The following SCMH1 variants were observed in gnomAD, a reference collection of about 807,000 sequenced individuals.
SCMH1 encodes Scm polycomb group protein homolog 1.
Under a neutral mutation model 70.8 loss-of-function variants are expected in SCMH1, and 37 were observed. The observed-to-expected ratio is 0.52, with a 90% CI of 0.40 to 0.69. The LOEUF (loss-of-function observed/expected upper bound fraction) is 0.69. Among genes scored for constraint, SCMH1 ranks in the 30% least tolerant of loss-of-function variants. The pLI, the probability that SCMH1 is intolerant of heterozygous loss-of-function variation, is 0.00. For missense variants in SCMH1, 607 were observed against 827.3 expected (o/e 0.73, Z 3.27); for synonymous variants, 292 against 307.4 (o/e 0.95, Z 0.52).
intron 8 of SCMH1, among the ~76,000 whole-genome samples, chr1:41,100,370 CA>C: frequency 6.6e-6 from 1 of 151,620 alleles, no homozygotes; most frequent in Non-Finnish European, 1.5e-5. Context: ...CCCTAGGCAG[CA>C]AAAAAAATTA....
At position 41,102,198 on chromosome 1, in the gene SCMH1, G is replaced by T. The variant is rs533624281; in HGVS notation, c.745+11085C>A. ...ATGTGTGTGTGTGTGTGTCTACATG[G>T]CATAGGAGAGCATGAACAATGGAAA... On this transcript the variant is annotated intron_variant, in intron 8 of 14. Transcript: ENST00000337495. Among the ~76,000 whole-genome samples, 20 of 152,278 alleles carry T rather than the reference G, an allele frequency of 1.3e-4. 1 individual carries two copies. The highest frequency in any genetic ancestry group is 8.3e-4 in the South Asian group (4 of 4,824).
At chr1:41,106,079 T>C (rs1465894449) in intron 8 of SCMH1, among the ~76,000 whole-genome samples, 1 of 151,752 alleles carries the variant, frequency 6.6e-6, no homozygotes, top group Non-Finnish European at 1.5e-5. Context: ...TTCACCAACT[T>C]GGCCAGGCTG....
chr1:41,045,403 A>G (rs1646774028), intron 12 of SCMH1, among the ~76,000 whole-genome samples: 1 of 152,148 alleles, frequency 6.6e-6, no homozygotes, highest in Admixed American at 6.5e-5. Context: ...TGGGTACAGA[A>G]GTATCTATGA....
intron 1 of SCMH1, among the ~76,000 whole-genome samples, chr1:41,231,154 C>T (rs923443267): frequency 1.3e-5 from 2 of 152,128 alleles, no homozygotes; most frequent in African/African-American, 4.8e-5. Context: ...CTGGGATTCA[C>T]TATTACTAGG....
At chr1:41,027,411 G>A (rs1643941686) in exon 15 of SCMH1, 1 of 152,316 alleles carries the variant, frequency 6.6e-6, no homozygotes, top group East Asian at 1.9e-4. Flanking sequence ...GTTCTGGCCA[G>A]GGCAAGGAGC....
At chr1:41,221,270 T>C (rs189600706) in intron 1 of SCMH1, among the ~76,000 whole-genome samples, 36 of 152,268 alleles carry the variant, frequency 2.4e-4, no homozygotes, top group African/African-American at 8.4e-4. Context: ...TGAGGAGTTA[T>C]TGTTTAGTGG....
chr1:41,122,281 A>G (rs1672137726), intron 6 of SCMH1, among the ~76,000 whole-genome samples: 1 of 152,106 alleles, frequency 6.6e-6, no homozygotes, highest in Admixed American at 6.5e-5. Context: ...CTGTTCTCAA[A>G]TATACCAAGC....
chr1:41,113,592 A>G lies in SCMH1; in HGVS notation c.502-66T>C, dbSNP rs1428482395. ...GAGGCCATTATGCCAATAGACTACTATCTAATTTGGATGATTAAAAAGTGA... is the reference window on the plus strand; with the variant it reads ...GAGGCCATTATGCCAATAGACTACTGTCTAATTTGGATGATTAAAAAGTGA... On this transcript the variant is annotated intron_variant, in intron 7 of 14. Coordinates refer to ENST00000337495, the Ensembl canonical transcript of SCMH1. This position sits in a 1 kb window ranked among gnomAD's most constrained non-coding sequence, Gnocchi z 4.3. 9 of 1,526,754 alleles carry G rather than the reference A, an allele frequency of 5.9e-6. No individual in the cohort carries two copies. The highest frequency in any genetic ancestry group is 7.9e-6 in the Non-Finnish European group (9 of 1,137,712). 94.6% of individuals were successfully genotyped at this position (1,526,754 alleles called of 1,614,324 possible). A position where few individuals can be genotyped will look rare whatever the true frequency, so the allele number is the denominator to read the frequency against.
At chr1:41,117,117 C>G in intron 6 of SCMH1, 107 bp from the exon 7 acceptor site, 1 of 633,216 alleles carries the variant, frequency 1.6e-6, no homozygotes, top group East Asian at 3.1e-5. Context: ...AGGGCACGAG[C>G]TCTTCCAGTA....
chr1:41,030,758 GCT>G (rs1450215535), intron 13 of SCMH1, among the ~76,000 whole-genome samples: 3 of 152,006 alleles, frequency 2.0e-5, no homozygotes, highest in Non-Finnish European at 4.4e-5. Flanking sequence ...TACAATATAA[GCT>G]CTCTCTTGTT....
intron 10 of SCMH1, among the ~76,000 whole-genome samples, chr1:41,054,173 G>A (rs1270041607): frequency 6.6e-6 from 1 of 152,112 alleles, no homozygotes; most frequent in East Asian, 1.9e-4. Flanking sequence ...TGTCAGTGAA[G>A]GTTTAAGGGA....
At chr1:41,041,636 G>A (rs1165821004) in intron 12 of SCMH1, 3 of 152,176 alleles carry the variant, frequency 2.0e-5, no homozygotes, top group African/African-American at 7.2e-5. Flanking sequence ...TTAAAACTCT[G>A]ACAATTCTAG....
At chr1:41,028,243 G>C in exon 15 of SCMH1, 1 of 1,614,150 alleles carries the variant, frequency 6.2e-7, no homozygotes, top group Non-Finnish European at 8.5e-7. Context: ...GAGCTTGAGT[G>C]CAGGCCCCAG....
At chr1:41,042,672 C>G (rs1286987774) in intron 12 of SCMH1, among the ~76,000 whole-genome samples, 2 of 152,126 alleles carry the variant, frequency 1.3e-5, no homozygotes, top group Admixed American at 1.3e-4. Context: ...TACCATACTC[C>G]TTGCTCATCA....
intron 12 of SCMH1, chr1:41,038,065 G>C (rs1645556482): frequency 6.5e-6 from 1 of 152,714 alleles, no homozygotes; most frequent in South Asian, 2.1e-4. Context: ...AAGGAAGCTG[G>C]GGTTGATGAG....
chr1:41,152,696 T>C (rs1414186413), intron 4 of SCMH1: 1 of 1,613,946 alleles, frequency 6.2e-7, no homozygotes, highest in Non-Finnish European at 8.5e-7. Flanking sequence ...TCCTCTGTAG[T>C]GGAGCAGCAC....
intron 10 of SCMH1, among the ~76,000 whole-genome samples, chr1:41,059,035 T>C (rs1651634192): frequency 6.6e-6 from 1 of 152,226 alleles, no homozygotes; most frequent in Non-Finnish European, 1.5e-5. Context: ...AGGCAGTCCT[T>C]CATGGATGCC....
At position 41,107,007 on chromosome 1, in the gene SCMH1, T is replaced by C. The variant is rs534699266; in HGVS notation, c.745+6276A>G. Among the ~76,000 whole-genome samples, 180 of 151,494 alleles carry C rather than the reference T, an allele frequency of 1.2e-3. 6 individuals are homozygous for C. The highest frequency in any genetic ancestry group is 3.9e-3 in the African/African-American group (161 of 41,110). On this transcript the variant is annotated intron_variant, in intron 8 of 14. Coordinates refer to ENST00000337495, the Ensembl canonical transcript of SCMH1. ...CCGGCCTTAACTATTTTTTAATTCC[T>C]TGACCATACTTTTTTTTTTTTTTAA...
intron 1 of SCMH1, among the ~76,000 whole-genome samples, chr1:41,235,764 C>T (rs1382094711): frequency 6.6e-6 from 1 of 151,948 alleles, no homozygotes; most frequent in Non-Finnish European, 1.5e-5. Flanking sequence ...ACCTACTATC[C>T]TTAATTTGGT....
Sources: allele counts gnomAD v4.1 joint callset (sites outside exome capture counted in the v4.1 genomes callset), GRCh38; gene constraint gnomAD v4.1.1; non-coding constraint Gnocchi (gnomAD v3.1); transcripts MANE v1.5; gene names NCBI Gene and HGNC (gene_info 2026-07-23, HGNC 2026-07-21).